The following CACNA2D3 variants were observed in gnomAD, a reference collection of about 807,000 sequenced individuals.
CACNA2D3 encodes voltage-dependent calcium channel subunit alpha-2/delta-3.
Under a neutral mutation model 160.6 loss-of-function variants are expected in CACNA2D3, and 60 were observed. The ratio of observed to expected loss-of-function variants is 0.37; its 90% CI spans 0.30 to 0.46. CACNA2D3 has a LOEUF of 0.46. CACNA2D3 is among the 20% of genes least tolerant of loss of function. The pLI is 1.00. For missense variants in CACNA2D3, 1,205 were observed against 1,365.0 expected (o/e 0.88, Z 1.85); for synonymous variants, 558 against 492.9 (o/e 1.13, Z -1.75).
intron 31 of CACNA2D3, among the ~76,000 whole-genome samples, chr3:55,002,452 C>A (rs1223614910): frequency 1.3e-5 from 2 of 152,158 alleles, no homozygotes; most frequent in African/African-American, 4.8e-5. Context: ...AGTCAGGGAC[C>A]AATTAGAGTT....
intron 9 of CACNA2D3, among the ~76,000 whole-genome samples, chr3:54,606,673 G>A (rs143774578): frequency 8.5e-5 from 13 of 152,166 alleles, no homozygotes; most frequent in Non-Finnish European, 1.6e-4. Flanking sequence ...GCTCCCGCTC[G>A]CTCCATTCCA....
At chr3:54,336,311 G>A (rs1363039078) in intron 3 of CACNA2D3, among the ~76,000 whole-genome samples, 1 of 152,162 alleles carries the variant, frequency 6.6e-6, no homozygotes, top group Admixed American at 6.5e-5. Flanking sequence ...CAGAGGGAGG[G>A]GCTTCAAGGC....
chr3:54,285,540 T>G (rs1242358311), intron 2 of CACNA2D3, among the ~76,000 whole-genome samples: 1 of 152,212 alleles, frequency 6.6e-6, no homozygotes, highest in Non-Finnish European at 1.5e-5. Context: ...CAGTAACCTC[T>G]GCAGACTTAA....
At chr3:54,487,908 C>T (rs1701042321) in intron 4 of CACNA2D3, among the ~76,000 whole-genome samples, 1 of 152,152 alleles carries the variant, frequency 6.6e-6, no homozygotes, top group African/African-American at 2.4e-5. Flanking sequence ...CAGAACATGC[C>T]CATCATCATA....
intron 2 of CACNA2D3, among the ~76,000 whole-genome samples, chr3:54,183,307 A>G (rs1354605247): frequency 6.7e-6 from 1 of 150,252 alleles, no homozygotes; most frequent in Non-Finnish European, 1.5e-5. Flanking sequence ...TCTGGTTGAT[A>G]GGGTTTTAGT....
At chr3:54,516,636 GTC>G (rs1701555659) in intron 5 of CACNA2D3, among the ~76,000 whole-genome samples, 1 of 152,198 alleles carries the variant, frequency 6.6e-6, no homozygotes, top group Non-Finnish European at 1.5e-5. Context: ...GGAGTGAAAA[GTC>G]TCTGGGTTCC....
intron 3 of CACNA2D3, among the ~76,000 whole-genome samples, chr3:54,323,616 G>A (rs921890312): frequency 6.6e-6 from 1 of 151,912 alleles, no homozygotes; most frequent in East Asian, 1.9e-4. Context: ...ACAGGCACCC[G>A]CCACCATGCC....
chr3:54,317,257 G>A (rs756593275), intron 2 of CACNA2D3, among the ~76,000 whole-genome samples: 3 of 152,214 alleles, frequency 2.0e-5, no homozygotes, highest in Non-Finnish European at 4.4e-5. Flanking sequence ...CCAGGTTTGG[G>A]CTGGCCAGAG....
At chr3:54,647,592 G>A (rs1229215449) in intron 11 of CACNA2D3, among the ~76,000 whole-genome samples, 1 of 152,138 alleles carries the variant, frequency 6.6e-6, no homozygotes, top group Non-Finnish European at 1.5e-5. Flanking sequence ...TTACCTTACA[G>A]TGTAGCAGCT....
chr3:54,999,147 A>G (rs112240544), intron 31 of CACNA2D3, among the ~76,000 whole-genome samples: 13 of 152,312 alleles, frequency 8.5e-5, no homozygotes, highest in African/African-American at 2.6e-4. Flanking sequence ...CACTGCACCA[A>G]TCTTAAAGAA....
chr3:54,285,240 G>C (rs1179274647), intron 2 of CACNA2D3, among the ~76,000 whole-genome samples: 1 of 152,188 alleles, frequency 6.6e-6, no homozygotes, highest in Non-Finnish European at 1.5e-5. Context: ...CTAATACTGT[G>C]CTTTTCCAAC....
intron 4 of CACNA2D3, among the ~76,000 whole-genome samples, chr3:54,454,021 A>G (rs529008403): frequency 8.5e-4 from 130 of 152,284 alleles, no homozygotes; most frequent in African/African-American, 3.1e-3. Flanking sequence ...GCAGGCTAGC[A>G]CTGATGTCCT....
chr3:54,882,233 A>G (rs1277100592), intron 21 of CACNA2D3, among the ~76,000 whole-genome samples: 2 of 152,244 alleles, frequency 1.3e-5, no homozygotes, highest in Non-Finnish European at 2.9e-5. Context: ...CAGAAAATTC[A>G]TGTCTAAGCC....
chr3:54,493,102 G>A (rs973845608), intron 4 of CACNA2D3, among the ~76,000 whole-genome samples: 1 of 123,774 alleles, frequency 8.1e-6, no homozygotes, highest in African/African-American at 3.2e-5. Flanking sequence ...TTTGGAGACG[G>A]AGTCAGGCTC....
chr3:54,138,788 G>C (rs886669115), intron 2 of CACNA2D3, among the ~76,000 whole-genome samples: 14 of 152,228 alleles, frequency 9.2e-5, no homozygotes, highest in African/African-American at 3.1e-4. Flanking sequence ...GCCAGGTGAA[G>C]GACCACCATC....
chr3:54,610,773 A>ACATC (rs1405759702), intron 9 of CACNA2D3, among the ~76,000 whole-genome samples: 1 of 151,946 alleles, frequency 6.6e-6, no homozygotes, highest in Non-Finnish European at 1.5e-5. Context: ...GGTATTACAG[A>ACATC]CATCCGCCAC....
At chr3:54,399,974 TGAGCCAGGTGTGGGATATAGTCTC>T (rs1211721655) in intron 4 of CACNA2D3, among the ~76,000 whole-genome samples, 9 of 118,416 alleles carry the variant, frequency 7.6e-5, no homozygotes, top group Non-Finnish European at 1.6e-4. Context: ...TAGGACCCTC[TGAGCCAGGTGTGGGATATAGTCTC>T]GTGGTGCGCC....
intron 2 of CACNA2D3, among the ~76,000 whole-genome samples, chr3:54,265,565 G>GTATATATATAGTGTGTGTA (rs1702486803): frequency 7.2e-6 from 1 of 139,500 alleles, no homozygotes; most frequent in African/African-American, 2.8e-5. Flanking sequence ...TGTATAGTGT[G>GTATATATATAGTGTGTGTA]TATATATATA....
At chr3:54,399,453 C>G (rs1203397057) in intron 4 of CACNA2D3, among the ~76,000 whole-genome samples, 7 of 5,360 alleles carry the variant, frequency 1.3e-3, no homozygotes, top group Middle Eastern at 0.015. Context: ...GTGGTTTTAT[C>G]TACTTTTGGT....
Sources: gnomAD v4.1 joint callset for allele counts (sites outside exome capture counted in the v4.1 genomes callset) on GRCh38, gnomAD v4.1.1 for gene constraint, MANE v1.5 for transcripts, NCBI Gene and HGNC (gene_info 2026-07-23, HGNC 2026-07-21) for gene names.